The following PSG2 variants were observed in gnomAD, a reference collection of about 807,000 sequenced individuals.
The protein encoded by PSG2 is pregnancy-specific beta-1-glycoprotein 2.
PSG2 carries 49 observed loss-of-function variants against 36.2 expected under a neutral mutation model. That is an observed-to-expected ratio of 1.35 (90% CI 1.08 to 1.72). The LOEUF (loss-of-function observed/expected upper bound fraction) is 1.72, where lower values mean the gene tolerates loss of function less well. Among genes scored for constraint, PSG2 ranks in the 40% most tolerant of loss-of-function variants. PSG2 has a pLI of 0.00. For synonymous variants in PSG2, 261 were observed against 155.6 expected (o/e 1.68, Z -5.04); for missense variants, 605 against 407.2 (o/e 1.49, Z -4.18).
intron 1 of PSG2, 175 bp downstream of exon 1, chr19:43,082,331 A>C (rs552070734): frequency 2.0e-6 from 2 of 976,310 alleles, no homozygotes; most frequent in Admixed American, 2.6e-5. Context: ...TAGTAGAGAC[A>C]GGGCTACACT....
chr19:43,067,796 C>T (rs927761063), intron 4 of PSG2, among the ~76,000 whole-genome samples: 3 of 151,304 alleles, frequency 2.0e-5, no homozygotes, highest in Non-Finnish European at 4.4e-5. Flanking sequence ...GAAGAAAGCA[C>T]TGTCATTGCA....
intron 2 of PSG2, among the ~76,000 whole-genome samples, chr19:43,076,724 A>G (rs1322609902): frequency 2.6e-5 from 4 of 151,674 alleles, no homozygotes; most frequent in Admixed American, 6.6e-5. Context: ...TATGCAGGAT[A>G]AGGAGGTTCT....
Position 43,081,018 on chromosome 19 carries a change from C to A in PSG2, c.293G>T (p.Arg98Leu), listed in dbSNP as rs150218743. The A allele has an allele frequency of 1.3e-5, 21 of 1,612,948 alleles. No homozygotes were observed. Among genetic ancestry groups the A allele is most frequent in the Non-Finnish European group, 1.7e-5 (20 of 1,179,704 alleles). ...GGATGCATTGGAATATGCTGTTTCT[C>A]GTCCACTATATGCAGGCCCATATAT... Reference protein sequence around the residue: ...IIIYGPAYSGRETAYSNASLL... With the variant: ...IIIYGPAYSGLETAYSNASLL... Residue 98 changes from arginine (R) to leucine (L), a missense_variant, in exon 2 of 6, where the codon CGA becomes CTA. Coordinates refer to ENST00000406487, the MANE Select transcript of PSG2 (RefSeq NM_031246.4).
intron 3 of PSG2, among the ~76,000 whole-genome samples, chr19:43,074,596 G>T (rs576059443): frequency 1.1e-4 from 17 of 151,720 alleles, no homozygotes; most frequent in African/African-American, 9.7e-5. Context: ...CTGTCCTGGG[G>T]TTTTGATTTT....
chr19:43,079,076 C>T (rs541869910), intron 2 of PSG2, among the ~76,000 whole-genome samples: 1 of 151,576 alleles, frequency 6.6e-6, no homozygotes, highest in Admixed American at 6.6e-5. Context: ...GAACAGCCAG[C>T]CTAGTTAGAG....
At chr19:43,072,535 G>A (rs1967834611) in intron 3 of PSG2, 3 of 1,611,282 alleles carry the variant, frequency 1.9e-6, no homozygotes, top group Non-Finnish European at 2.5e-6. Context: ...TGTAGGTGTA[G>A]CTCTCACTCT....
At chr19:43,080,571 T>A (rs1480743518) in intron 2 of PSG2, among the ~76,000 whole-genome samples, 3 of 151,546 alleles carry the variant, frequency 2.0e-5, no homozygotes, top group African/African-American at 7.3e-5. Context: ...TTCTCCAGGG[T>A]CTTTCTCAGG....
chr19:43,066,326 A>G lies in PSG2; in HGVS notation c.*40+191T>C, dbSNP rs184103878. ...GCAGAGGCTGGAGATAATTATGTCTAAAAGACAGTGGGGTACAGGGAGCAT... is the reference window on the plus strand; with the variant it reads ...GCAGAGGCTGGAGATAATTATGTCTGAAAGACAGTGGGGTACAGGGAGCAT... On this transcript the variant is annotated intron_variant, in intron 5 of 5. Transcript: ENST00000406487. Among the ~76,000 whole-genome samples the G allele has an allele frequency of 4.1e-3, 616 of 151,808 alleles. 5 individuals are homozygous for G. The highest frequency in any genetic ancestry group is 6.6e-3 in the Admixed American group (100 of 15,254).
chr19:43,070,256 G>T (rs1967797256), intron 4 of PSG2, among the ~76,000 whole-genome samples: 1 of 151,686 alleles, frequency 6.6e-6, no homozygotes. Context: ...TGATGGGAAT[G>T]GGAAATGTTA....
chr19:43,067,698 G>A (rs372416260), intron 4 of PSG2, among the ~76,000 whole-genome samples: 16 of 151,286 alleles, frequency 1.1e-4, no homozygotes, highest in Non-Finnish European at 1.6e-4. Context: ...GGTTGATGAT[G>A]ATGATAGTAA....
At chr19:43,076,686 C>T (rs757623629) in intron 2 of PSG2, among the ~76,000 whole-genome samples, 6 of 151,450 alleles carry the variant, frequency 4.0e-5, no homozygotes, top group East Asian at 1.9e-4. Context: ...GGGAATAGGG[C>T]GTTGTTCTGT....
chr19:43,080,563 C>A (rs1226593370), intron 2 of PSG2, among the ~76,000 whole-genome samples: 2 of 151,648 alleles, frequency 1.3e-5, no homozygotes, highest in African/African-American at 2.4e-5. Context: ...CTGCTCAGTT[C>A]TCCAGGGTCT....
intron 3 of PSG2, chr19:43,072,320 G>C (rs1876557817): frequency 1.2e-6 from 2 of 1,609,792 alleles, no homozygotes; most frequent in African/African-American, 2.7e-5. Flanking sequence ...ATTTAAGCTG[G>C]TGGCCTGGCC....
rs1333894478 is a variant in PSG2, at chr19:43,068,225, C to T, written c.965-1625G>A. Among the ~76,000 whole-genome samples the T allele has an allele frequency of 4.0e-5, 6 of 149,114 alleles. No individual in the cohort carries two copies. The East Asian group carries it at 9.6e-4, about 24-fold the overall frequency. On this transcript the variant is annotated intron_variant, in intron 4 of 5. Transcript: ENST00000406487. ...TCACAGCAGAAGGATTTCTTGAGACCAGGTGTTTGGACCAGCATAGGTAAC... is the reference window on the plus strand; with the variant it reads ...TCACAGCAGAAGGATTTCTTGAGACTAGGTGTTTGGACCAGCATAGGTAAC...
chr19:43,071,996 G>C lies in PSG2; in HGVS notation c.710-42C>G, dbSNP rs1326839438. On this transcript the variant is annotated intron_variant, in intron 3 of 5. Coordinates refer to ENST00000406487, the MANE Select transcript of PSG2 (RefSeq NM_031246.4). ...AAAGCCACAGGTGATGCCATCTGAGGGAAGGGGATGCTCCTGGTCTCTTAA... is the reference window on the plus strand; with the variant it reads ...AAAGCCACAGGTGATGCCATCTGAGCGAAGGGGATGCTCCTGGTCTCTTAA... The C allele has an allele frequency of 1.9e-6, 3 of 1,600,232 alleles. No homozygotes were observed. In the African/African-American group the frequency reaches 4.1e-5, roughly 22 times the overall value.
Position 43,071,834 on chromosome 19 carries a change from C to A in PSG2, c.830G>T (p.Gly277Val), listed in dbSNP as rs996239734. The A allele has an allele frequency of 6.2e-7, 1 of 1,613,128 alleles. No homozygotes were observed. The change falls in exon 4 of 6, where the codon GGG becomes GTG. Residue 277 changes from glycine (G) to valine (V), a missense_variant. By Grantham distance (109) the Gly-to-Val change is moderately radical (BLOSUM62 -3). Transcript: ENST00000406487. Reference protein sequence around the residue: ...PPAQYSWTINGKFQQSGQNLF... With the variant: ...PPAQYSWTINVKFQQSGQNLF... ...ATTTTGTCCTGATTGCTGAAACTTCCCATTAATTGTCCAAGAATACTGTGC... is the reference window on the plus strand; with the variant it reads ...ATTTTGTCCTGATTGCTGAAACTTCACATTAATTGTCCAAGAATACTGTGC...
intron 1 of PSG2, 62 bp downstream of exon 1, chr19:43,082,444 G>A: frequency 1.3e-6 from 2 of 1,590,002 alleles, no homozygotes; most frequent in Non-Finnish European, 1.7e-6. Flanking sequence ...TCCTCTCCAG[G>A]AGACCCCATC....
At chr19:43,069,655 G>A (rs143343818) in intron 4 of PSG2, among the ~76,000 whole-genome samples, 1 of 151,714 alleles carries the variant, frequency 6.6e-6, no homozygotes, top group East Asian at 1.9e-4. Flanking sequence ...ATATTCAAGG[G>A]CAAGAAAACT....
intron 2 of PSG2, among the ~76,000 whole-genome samples, chr19:43,079,903 T>G (rs1279280981): frequency 6.6e-6 from 1 of 151,600 alleles, no homozygotes; most frequent in Non-Finnish European, 1.5e-5. Flanking sequence ...GTGACCCTGA[T>G]CTCCCCTTTG....
Sources: gnomAD v4.1 joint callset for allele counts (sites outside exome capture counted in the v4.1 genomes callset) on GRCh38, gnomAD v4.1.1 for gene constraint, MANE v1.5 for transcripts, NCBI Gene and HGNC (gene_info 2026-07-23, HGNC 2026-07-21) for gene names.